NAXD: variants seen among roughly 807,000 people sequenced by gnomAD.
The protein encoded by NAXD is ATP-dependent (S)-NAD(P)H-hydrate dehydratase.
A neutral mutation model predicts 35.8 loss-of-function variants in NAXD; 22 were observed. The observed-to-expected ratio is 0.62, with a 90% CI of 0.44 to 0.88. The LOEUF is 0.88. Ranked by LOEUF, NAXD falls within the 40% of genes least tolerant of loss-of-function variation. NAXD has a pLI of 0.00. For synonymous variants in NAXD, 189 were observed against 177.6 expected (o/e 1.06, Z -0.51); for missense variants, 428 against 437.7 (o/e 0.98, Z 0.20).
chr13:110,618,708 G>A (rs1039131266), intron 1 of NAXD, among the ~76,000 whole-genome samples: 5 of 151,978 alleles, frequency 3.3e-5, no homozygotes, highest in Non-Finnish European at 7.3e-5. Flanking sequence ...TTACCTTGAA[G>A]TGCAGGAAAA....
At position 110,637,191 on chromosome 13, in the gene NAXD, G is replaced by T; in HGVS notation, c.781G>T (p.Gly261Cys). The T allele has an allele frequency of 6.2e-7, 1 of 1,614,032 alleles. No homozygotes were observed. Among genetic ancestry groups the T allele is most frequent in the Non-Finnish European group, 8.5e-7 (1 of 1,179,954 alleles). Residue 261 changes from glycine (G) to cysteine (C), a missense_variant, in exon 9 of 10, where the codon GGC (glycine) becomes TGC (cysteine). By Grantham distance (159) the Gly-to-Cys change is radical. Transcript: ENST00000680254. ...RCGGQGDLLS[G>C]SLGVLVHWAL... ...TGGAGGGCAAGGGGACCTCCTGTCG[G>T]GCTCCCTGGGCGTCCTGGTACACTG...
chr13:110,631,960 C>T (rs1332119555), intron 5 of NAXD, among the ~76,000 whole-genome samples: 2 of 152,218 alleles, frequency 1.3e-5, no homozygotes, highest in Non-Finnish European at 2.9e-5. Context: ...ATTTAATATA[C>T]ACGGCTTTAG....
chr13:110,632,412 C>T (rs113942509), intron 5 of NAXD, among the ~76,000 whole-genome samples: 16,756 of 152,126 alleles, frequency 0.11, 1,369 homozygotes, highest in Admixed American at 0.25. Context: ...GGGACCCGAG[C>T]GGGTTACCAA....
intron 5 of NAXD, among the ~76,000 whole-genome samples, chr13:110,634,047 C>T (rs987149312): frequency 6.6e-6 from 1 of 152,242 alleles, no homozygotes; most frequent in Non-Finnish European, 1.5e-5. Flanking sequence ...TGGGCTTCGC[C>T]TTTCAGAGTT....
chr13:110,623,895 A>G (rs547907657), intron 2 of NAXD, among the ~76,000 whole-genome samples: 13 of 151,922 alleles, frequency 8.6e-5, no homozygotes, highest in African/African-American at 3.1e-4. Context: ...CCAGCTACTC[A>G]GGAGGCTGAG....
At position 110,638,261 on chromosome 13, in the gene NAXD, T is replaced by C; in HGVS notation, c.840-117T>C. On this transcript the variant is annotated intron_variant, in intron 9 of 9. Transcript: ENST00000680254. The surrounding 1 kb of genome is among the most constrained non-coding windows in gnomAD (Gnocchi z 5.4). ...CCTCAGGGGCATATCAGACTTGAAA[T>C]TGACAATTTGGGGTCCTGAGATTGA... 1 of 1,579,352 alleles carries C rather than the reference T, an allele frequency of 6.3e-7. No individual in the cohort carries two copies. Among genetic ancestry groups the C allele is most frequent in the Non-Finnish European group, 8.6e-7 (1 of 1,163,782 alleles).
At chr13:110,630,027 TTTTTGTTTTG>T (rs975658891) in intron 5 of NAXD, among the ~76,000 whole-genome samples, 1 of 152,130 alleles carries the variant, frequency 6.6e-6, no homozygotes, top group African/African-American at 2.4e-5. Flanking sequence ...TTTTTTTTTG[TTTTTGTTTTG>T]TTTTGTTTTT....
rs570822545 is a variant in NAXD, at chr13:110,634,666, G to T, written c.493-6G>T. The T allele has an allele frequency of 4.5e-5, 72 of 1,614,140 alleles. No individual in the cohort carries two copies. Among genetic ancestry groups the T allele is most frequent in the Non-Finnish European group, 5.0e-5 (59 of 1,179,984 alleles). Reference sequence around the variant, plus strand: ...TGCAGTGAGCACGGCTCCTTGTTCTGTGCAGGATGGCCTGTGGCTGGTCGC... The same window carrying T: ...TGCAGTGAGCACGGCTCCTTGTTCTTTGCAGGATGGCCTGTGGCTGGTCGC... On this transcript the variant is annotated splice_region_variant and splice_polypyrimidine_tract_variant and intron_variant, in intron 6 of 9. Coordinates refer to ENST00000680254, the MANE Select transcript of NAXD (RefSeq NM_001242882.2).
rs766559279 is a variant in NAXD at position 110,615,765 on chromosome 13, C to A, written c.46+118C>A. 2.1e-6 allele frequency: 3 copies of A among 1,421,086 alleles called. No homozygotes were observed. The East Asian group carries it at 8.9e-5, about 42-fold the overall frequency. 88.0% of individuals were successfully genotyped at this position (1,421,086 alleles called of 1,614,324 possible). On this transcript the variant is annotated intron_variant, in intron 1 of 9. Coordinates refer to ENST00000680254, the MANE Select transcript of NAXD (RefSeq NM_001242882.2). Reference sequence around the variant, plus strand: ...CGCACTCGCGCTGTACGGGCCGCCACTGGACGCAGGTACCCGACCGCTGAC... The same window carrying A: ...CGCACTCGCGCTGTACGGGCCGCCAATGGACGCAGGTACCCGACCGCTGAC...
At chr13:110,615,538 C>T, upstream of NAXD, 1 of 1,322,986 alleles carries the variant, frequency 7.6e-7, no homozygotes, top group Non-Finnish European at 9.7e-7. Flanking sequence ...AACCGGAAAA[C>T]GCTTCCAATG....
At chr13:110,633,514 CG>C (rs1195300623) in intron 5 of NAXD, among the ~76,000 whole-genome samples, 6 of 152,218 alleles carry the variant, frequency 3.9e-5, no homozygotes, top group Admixed American at 6.5e-5. Flanking sequence ...CCTCAAATGC[CG>C]CCAAAGTGGG....
At chr13:110,629,528 T>C (rs1886627325) in intron 5 of NAXD, among the ~76,000 whole-genome samples, 1 of 152,230 alleles carries the variant, frequency 6.6e-6, no homozygotes, top group African/African-American at 2.4e-5. Context: ...CTCTCTGGAT[T>C]CGCCTGTTCA....
intron 5 of NAXD, among the ~76,000 whole-genome samples, chr13:110,632,974 G>A (rs1190863525): frequency 6.6e-6 from 1 of 152,222 alleles, no homozygotes; most frequent in Non-Finnish European, 1.5e-5. Context: ...TCACCCAGTG[G>A]ATCCCGCACC....
At chr13:110,623,482 T>A (rs888714936) in intron 2 of NAXD, among the ~76,000 whole-genome samples, 1 of 152,156 alleles carries the variant, frequency 6.6e-6, no homozygotes, top group African/African-American at 2.4e-5. Flanking sequence ...TTGTCCCAGG[T>A]GGCCCCCATC....
At chr13:110,634,923 T>C (rs566294294) in intron 7 of NAXD, 147 bp downstream of exon 7, 5 of 669,844 alleles carry the variant, frequency 7.5e-6, no homozygotes, top group Non-Finnish European at 1.3e-5. Flanking sequence ...TGGCGCGTCT[T>C]CCCATTAATG....
chr13:110,632,106 G>C (rs1309114135), intron 5 of NAXD, among the ~76,000 whole-genome samples: 1 of 138,930 alleles, frequency 7.2e-6, no homozygotes, highest in African/African-American at 2.6e-5. Context: ...CGCGTCTGGA[G>C]TCTGTTCCTT....
intron 5 of NAXD, among the ~76,000 whole-genome samples, chr13:110,630,473 T>C (rs1886660006): frequency 6.6e-6 from 1 of 152,234 alleles, no homozygotes; most frequent in African/African-American, 2.4e-5. Context: ...GATTTGCCGA[T>C]ATCCTCTCAT....
At chr13:110,615,808 G>T (rs1330502188) in intron 1 of NAXD, 161 bp downstream of exon 1, 4 of 1,287,252 alleles carry the variant, frequency 3.1e-6, no homozygotes, top group Non-Finnish European at 3.9e-6. Context: ...GCTGGCTCGC[G>T]GGGGGGAAGC....
rs537621421 is a variant in NAXD at position 110,615,596 on chromosome 13, T to C, written c.-6T>C. 7.9e-6 allele frequency: 11 copies of C among 1,389,526 alleles called. No homozygotes were observed. Among genetic ancestry groups the C allele is most frequent in the South Asian group, 1.5e-5 (1 of 65,104 alleles). The allele number at this position is 1,389,526 out of a possible 1,614,324, so 86.1% of individuals were successfully genotyped here. A position where few individuals can be genotyped will look rare whatever the true frequency, so the allele number is the denominator to read the frequency against. ...GGGGGCAGCTGGGAATCCGGAATGC[T>C]GCCCGATGGCCCTGGGTCCTCGCTG... On this transcript the variant is annotated 5_prime_UTR_variant, in exon 1 of 10. Coordinates refer to ENST00000680254, the MANE Select transcript of NAXD (RefSeq NM_001242882.2).
Sources: gnomAD v4.1 joint callset for allele counts (sites outside exome capture counted in the v4.1 genomes callset) on GRCh38, gnomAD v4.1.1 for gene constraint, Gnocchi (gnomAD v3.1) non-coding constraint, MANE v1.5 for transcripts, NCBI Gene and HGNC (gene_info 2026-07-23, HGNC 2026-07-21) for gene names.